RNF216: variants seen among roughly 807,000 people sequenced by gnomAD.
The protein encoded by RNF216 is ring finger protein 216.
Under a neutral mutation model 110.8 loss-of-function variants are expected in RNF216, and 72 were observed. The observed-to-expected ratio is 0.65, with a 90% CI of 0.54 to 0.79. RNF216 has a LOEUF of 0.79. Ranked by LOEUF, RNF216 falls within the 30% of genes least tolerant of loss-of-function variation. RNF216 has a pLI of 0.00. For missense variants in RNF216, 1,342 were observed against 1,141.2 expected, an observed-to-expected ratio of 1.18 and a Z score of -2.54; for synonymous variants, 495 against 407.5, an observed-to-expected ratio of 1.21 and a Z score of -2.59.
intron 15 of RNF216, among the ~76,000 whole-genome samples, chr7:5,631,812 T>C (rs1458055606): frequency 6.6e-6 from 1 of 152,200 alleles, no homozygotes; most frequent in African/African-American, 2.4e-5. Flanking sequence ...ATCTTTTCCA[T>C]TGGCTGCTTT....
chr7:5,754,021 A>G (rs1290916448), intron 2 of RNF216, among the ~76,000 whole-genome samples: 1 of 151,832 alleles, frequency 6.6e-6, no homozygotes, highest in East Asian at 1.9e-4. Flanking sequence ...GCATTAAGTG[A>G]CCTAAAAGAA....
At chr7:5,702,176 G>A (rs561851353) in intron 13 of RNF216, among the ~76,000 whole-genome samples, 21 of 152,264 alleles carry the variant, frequency 1.4e-4, no homozygotes, top group African/African-American at 4.1e-4. Context: ...GCCTCTGCGA[G>A]TTTCGAGGGG....
At chr7:5,721,246 T>G in intron 8 of RNF216, 74 bp from the exon 9 acceptor site, 1 of 1,352,914 alleles carries the variant, frequency 7.4e-7, no homozygotes. Flanking sequence ...ATGTCCATTC[T>G]TCCCGGCCTC....
intron 13 of RNF216, among the ~76,000 whole-genome samples, chr7:5,711,149 G>C (rs1407663237): frequency 1.3e-5 from 2 of 152,282 alleles, no homozygotes; most frequent in South Asian, 2.1e-4. Flanking sequence ...AAAACTCTAA[G>C]TGGCTTCTAA....
intron 5 of RNF216, among the ~76,000 whole-genome samples, chr7:5,735,027 T>C (rs748054248): frequency 1.3e-5 from 2 of 151,392 alleles, no homozygotes; most frequent in Non-Finnish European, 2.9e-5. Flanking sequence ...GCACCTGTAA[T>C]CCAAGCTACT....
intron 1 of RNF216, among the ~76,000 whole-genome samples, chr7:5,762,750 C>T (rs1012424006): frequency 4.6e-5 from 7 of 152,016 alleles, no homozygotes; most frequent in Non-Finnish European, 8.8e-5. Context: ...AGAATGACCT[C>T]AGCAACTTCA....
Position 5,772,031 on chromosome 7 carries a change from C to G in RNF216, c.-70+9510G>C, listed in dbSNP as rs906377766. ...GGTGGATCACCTGAGCTCAGGAGTT[C>G]GAGACCAGCCTGACCAACATGGAGA... On this transcript the variant is annotated intron_variant, in intron 1 of 16. Coordinates refer to ENST00000389902, the MANE Select transcript of RNF216 (RefSeq NM_207111.4). 3.9e-5 allele frequency among the ~76,000 whole-genome samples: 6 copies of G among 152,118 alleles called. No individual in the cohort carries two copies. In the East Asian group the frequency reaches 1.2e-3, roughly 29 times the overall value.
rs148448168 is a variant in RNF216 at position 5,754,371 on chromosome 7, A to G, written c.68-1392T>C. Among the ~76,000 whole-genome samples, 262 of 152,096 alleles carry G rather than the reference A, an allele frequency of 1.7e-3. 1 individual carries two copies. The highest frequency in any genetic ancestry group is 2.4e-3 in the Admixed American group (37 of 15,268). ...AGAGATGGAGTCTCACTATGTTCCT[A>G]TGCTGGCCTTGAACTCCTGGCCTCA... On this transcript the variant is annotated intron_variant, in intron 2 of 16. Coordinates refer to ENST00000389902, the MANE Select transcript of RNF216 (RefSeq NM_207111.4).
At chr7:5,631,887 C>T (rs546325255) in intron 15 of RNF216, among the ~76,000 whole-genome samples, 91 of 152,228 alleles carry the variant, frequency 6.0e-4, no homozygotes, top group Admixed American at 1.0e-3. Context: ...TCTGCCCCCA[C>T]GAGGTCCTGC....
chr7:5,632,270 T>G (rs1201057176), intron 15 of RNF216, among the ~76,000 whole-genome samples: 1 of 152,244 alleles, frequency 6.6e-6, no homozygotes, highest in Non-Finnish European at 1.5e-5. Flanking sequence ...GTGCATCCCC[T>G]CGAGGGCTGC....
chr7:5,646,580 C>T (rs1788061656), intron 14 of RNF216, among the ~76,000 whole-genome samples: 1 of 151,720 alleles, frequency 6.6e-6, no homozygotes, highest in African/African-American at 2.4e-5. Flanking sequence ...GTAGTCCCAG[C>T]CACTCAGGAG....
chr7:5,768,628 T>C (rs1352213206), intron 1 of RNF216, among the ~76,000 whole-genome samples: 3 of 151,760 alleles, frequency 2.0e-5, no homozygotes, highest in Non-Finnish European at 4.4e-5. Context: ...TAAAAGATAA[T>C]TAGGTAATTC....
At chr7:5,705,426 C>T (rs1792219898) in intron 13 of RNF216, among the ~76,000 whole-genome samples, 1 of 152,216 alleles carries the variant, frequency 6.6e-6, no homozygotes, top group Admixed American at 6.5e-5. Context: ...AATCCTCTAC[C>T]TCTCAAATCT....
At chr7:5,754,044 G>T (rs953276857) in intron 2 of RNF216, among the ~76,000 whole-genome samples, 2 of 151,386 alleles carry the variant, frequency 1.3e-5, no homozygotes, top group South Asian at 2.1e-4. Context: ...GAAGAAGAAA[G>T]AAACGAAATG....
intron 5 of RNF216, 92 bp downstream of exon 5, chr7:5,739,183 TA>T: frequency 1.5e-6 from 2 of 1,352,702 alleles, no homozygotes; most frequent in South Asian, 3.5e-5. Flanking sequence ...CACCAAATTG[TA>T]TATTTAAAAA....
chr7:5,704,926 T>C (rs967748286), intron 13 of RNF216, among the ~76,000 whole-genome samples: 2 of 152,218 alleles, frequency 1.3e-5, no homozygotes, highest in Non-Finnish European at 2.9e-5. Context: ...TGAAACATAC[T>C]GTAATCCATC....
At chr7:5,629,100 G>A (rs1786896514) in intron 15 of RNF216, among the ~76,000 whole-genome samples, 1 of 151,616 alleles carries the variant, frequency 6.6e-6, no homozygotes, top group Non-Finnish European at 1.5e-5. Flanking sequence ...TCTGGAAGCT[G>A]AGGCAGAATT....
chr7:5,712,685 G>A (rs1211441679), intron 12 of RNF216, 30 bp downstream of exon 12: 1 of 1,612,542 alleles, frequency 6.2e-7, no homozygotes, highest in Admixed American at 1.7e-5. Context: ...GGAAGAGTTG[G>A]CAGATGGCAC....
At chr7:5,665,844 T>C (rs1040775528) in intron 13 of RNF216, among the ~76,000 whole-genome samples, 6 of 151,610 alleles carry the variant, frequency 4.0e-5, no homozygotes, top group African/African-American at 1.5e-4. Context: ...GCCTAGGCAA[T>C]GGCATCATGT....
Sources: allele counts gnomAD v4.1 joint callset (sites outside exome capture counted in the v4.1 genomes callset), GRCh38; gene constraint gnomAD v4.1.1; transcripts MANE v1.5; gene names NCBI Gene and HGNC (gene_info 2026-07-23, HGNC 2026-07-21).